MTHFD2L: variants seen among roughly 807,000 people sequenced by gnomAD.
MTHFD2L encodes the protein methylenetetrahydrofolate dehydrogenase (NADP+ dependent) 2 like.
Under a neutral mutation model 34.9 loss-of-function variants are expected in MTHFD2L, and 29 were observed. The observed-to-expected ratio is 0.83, with a 90% CI of 0.62 to 1.13. The LOEUF (loss-of-function observed/expected upper bound fraction) is 1.13. MTHFD2L is among the 50% of genes most tolerant of loss of function. MTHFD2L has a pLI of 0.00. For missense variants in MTHFD2L, 481 were observed against 446.5 expected (o/e 1.08, Z -0.70); for synonymous variants, 167 against 155.7 (o/e 1.07, Z -0.54).
At chr4:74,144,614 A>T (rs574045463) in intron 1 of MTHFD2L, among the ~76,000 whole-genome samples, 1 of 152,216 alleles carries the variant, frequency 6.6e-6, no homozygotes, top group South Asian at 2.1e-4. Flanking sequence ...TGTACTTTTC[A>T]TCAAATCTGG....
chr4:74,247,601 A>T (rs1217834879), intron 6 of MTHFD2L, among the ~76,000 whole-genome samples: 2 of 152,150 alleles, frequency 1.3e-5, no homozygotes, highest in African/African-American at 4.8e-5. Flanking sequence ...ATTCAGTATG[A>T]TATTGGCTGT....
At chr4:74,162,505 CTTTTTTT>C (rs3051352) in intron 1 of MTHFD2L, among the ~76,000 whole-genome samples, 1 of 124,270 alleles carries the variant, frequency 8.0e-6, no homozygotes, top group Non-Finnish European at 1.7e-5. Context: ...TCTCTCCCCA[CTTTTTTT>C]TTTTTTTTTT....
At chr4:74,202,788 AGAG>A (rs1243916950) in intron 5 of MTHFD2L, among the ~76,000 whole-genome samples, 4 of 152,188 alleles carry the variant, frequency 2.6e-5, no homozygotes, top group Non-Finnish European at 5.9e-5. Flanking sequence ...ATTCCAAAGA[AGAG>A]GATGGGCTAC....
Position 74,132,236 on chromosome 4 carries a change from T to C in MTHFD2L, c.-297+6719T>C, listed in dbSNP as rs527256664. Among the ~76,000 whole-genome samples, 4 of 152,330 alleles carry C rather than the reference T, an allele frequency of 2.6e-5. No individual in the cohort carries two copies. In the South Asian group the frequency reaches 8.3e-4, roughly 32 times the overall value. ...ACCATTTGACCAGCAATCTCATTAC[T>C]GGATATATACCCAAAGGATTATAAA... On this transcript the variant is annotated intron_variant, in intron 1 of 7. Transcript: ENST00000433372.
At chr4:74,163,206 A>G (rs1194449975) in intron 1 of MTHFD2L, among the ~76,000 whole-genome samples, 1 of 152,254 alleles carries the variant, frequency 6.6e-6, no homozygotes, top group Non-Finnish European at 1.5e-5. Context: ...TCATCTGCAC[A>G]TCACTATTTT....
intron 1 of MTHFD2L, among the ~76,000 whole-genome samples, chr4:74,136,803 G>T (rs1722969682): frequency 6.6e-6 from 1 of 152,018 alleles, no homozygotes; most frequent in Non-Finnish European, 1.5e-5. Context: ...TAATAATCTG[G>T]AAATAAATCC....
At chr4:74,226,462 A>G (rs968854784) in intron 6 of MTHFD2L, among the ~76,000 whole-genome samples, 6 of 152,170 alleles carry the variant, frequency 3.9e-5, no homozygotes, top group Non-Finnish European at 8.8e-5. Context: ...TTTATGGAAT[A>G]TATGTATATG....
chr4:74,193,591 C>T (rs770522630), intron 3 of MTHFD2L, among the ~76,000 whole-genome samples: 24 of 152,160 alleles, frequency 1.6e-4, no homozygotes, highest in South Asian at 8.3e-4. Context: ...TATTTATTTA[C>T]GTCATTTGTC....
At chr4:74,282,120 T>TA (rs886742973) in intron 7 of MTHFD2L, among the ~76,000 whole-genome samples, 39 of 150,258 alleles carry the variant, frequency 2.6e-4, no homozygotes, top group East Asian at 1.4e-3. Flanking sequence ...TATGTAGTAG[T>TA]AAAAAAAAAA....
At chr4:74,242,976 T>C (rs1307477865) in intron 6 of MTHFD2L, among the ~76,000 whole-genome samples, 1 of 152,234 alleles carries the variant, frequency 6.6e-6, no homozygotes, top group African/African-American at 2.4e-5. Flanking sequence ...TAAATGGAGC[T>C]TATAGTCTAC....
At chr4:74,289,280 G>A (rs1748585747) in intron 7 of MTHFD2L, among the ~76,000 whole-genome samples, 1 of 152,156 alleles carries the variant, frequency 6.6e-6, no homozygotes, top group African/African-American at 2.4e-5. Context: ...ATGCTAACCT[G>A]AATAAATGAA....
At chr4:74,278,119 A>C (rs1258453762) in intron 6 of MTHFD2L, among the ~76,000 whole-genome samples, 1 of 152,118 alleles carries the variant, frequency 6.6e-6, no homozygotes, top group East Asian at 1.9e-4. Context: ...ATTGCAGATC[A>C]CTAATAAGGA....
Position 74,189,589 on chromosome 4 carries a change from A to G in MTHFD2L, c.452-10205A>G, listed in dbSNP as rs555611560. Among the ~76,000 whole-genome samples, 30 of 146,862 alleles carry G rather than the reference A, an allele frequency of 2.0e-4. 1 individual carries two copies. The highest frequency in any genetic ancestry group is 8.6e-4 in the South Asian group (4 of 4,676). On this transcript the variant is annotated intron_variant, in intron 3 of 7. Coordinates refer to ENST00000325278, the MANE Select transcript of MTHFD2L (RefSeq NM_001144978.3). The stretch of plus-strand genomic sequence containing the variant: ...ATAGCAGTGGGATTGGTTGGTGTCT[A>G]TAGCCACTTATGTCTCTCTCTCTCA...
At chr4:74,235,750 C>G (rs554014224) in intron 6 of MTHFD2L, among the ~76,000 whole-genome samples, 4 of 152,160 alleles carry the variant, frequency 2.6e-5, no homozygotes, top group African/African-American at 9.6e-5. Context: ...TGAAAGATAG[C>G]CTATTCTTAT....
At chr4:74,262,871 C>T (rs745658130) in intron 6 of MTHFD2L, among the ~76,000 whole-genome samples, 2 of 151,886 alleles carry the variant, frequency 1.3e-5, no homozygotes, top group Non-Finnish European at 1.5e-5. Context: ...CATTATTTTT[C>T]CACATATCTA....
upstream of MTHFD2L, among the ~76,000 whole-genome samples, chr4:74,122,691 A>G (rs1721823148): frequency 6.6e-6 from 1 of 152,248 alleles, no homozygotes; most frequent in Non-Finnish European, 1.5e-5. Context: ...CTAAAGCAAC[A>G]TGACAACTAA....
chr4:74,268,615 A>ATATGGCGCT (rs1294363339), intron 6 of MTHFD2L, among the ~76,000 whole-genome samples: 9 of 152,176 alleles, frequency 5.9e-5, no homozygotes, highest in Non-Finnish European at 8.8e-5. Context: ...TGATGTGTAA[A>ATATGGCGCT]TATGGCGCTT....
intron 3 of MTHFD2L, among the ~76,000 whole-genome samples, chr4:74,176,307 A>G (rs998598418): frequency 3.9e-5 from 6 of 151,966 alleles, no homozygotes; most frequent in African/African-American, 1.4e-4. Context: ...TTTGTTTTTT[A>G]TGTTTATCAG....
At chr4:74,203,749 G>A (rs1734837301) in intron 5 of MTHFD2L, among the ~76,000 whole-genome samples, 1 of 152,038 alleles carries the variant, frequency 6.6e-6, no homozygotes, top group Admixed American at 6.6e-5. Context: ...CTCCCACCAG[G>A]CCCCACCTCC....
Sources: allele counts gnomAD v4.1 joint callset (sites outside exome capture counted in the v4.1 genomes callset), GRCh38; gene constraint gnomAD v4.1.1; transcripts MANE v1.5; gene names NCBI Gene and HGNC (gene_info 2026-07-23, HGNC 2026-07-21).